The following USP7 variants were observed in gnomAD, a reference collection of about 807,000 sequenced individuals.
The protein encoded by USP7 is ubiquitin specific peptidase 7.
A neutral mutation model predicts 162.9 loss-of-function variants in USP7; 9 were observed. The ratio of observed to expected loss-of-function variants is 0.06; its 90% confidence interval spans 0.03 to 0.10. The LOEUF is 0.10. USP7 is among the 10% of genes least tolerant of loss of function. The probability of loss-of-function intolerance (pLI) is 1.00; values close to 1 mark genes in which losing one functional copy is unlikely to be tolerated. For synonymous variants in USP7, 562 were observed against 475.9 expected, an observed-to-expected ratio of 1.18 and a Z score of -2.35; for missense variants, 715 against 1,373.7, an observed-to-expected ratio of 0.52 and a Z score of 7.58.
chr16:8,897,962 G>A (rs1567206742), intron 25 of USP7, among the ~76,000 whole-genome samples: 1 of 151,538 alleles, frequency 6.6e-6, no homozygotes, highest in African/African-American at 2.4e-5. Context: ...GGTGACACTG[G>A]AGCTGTCTAC....
chr16:8,944,774 T>C (rs939994924), intron 1 of USP7, among the ~76,000 whole-genome samples: 2 of 152,188 alleles, frequency 1.3e-5, no homozygotes, highest in African/African-American at 4.8e-5. Context: ...TCAAGGGCTG[T>C]CAGATCTTTT....
At chr16:8,906,856 A>T (rs997736679) in intron 12 of USP7, among the ~76,000 whole-genome samples, 1 of 152,260 alleles carries the variant, frequency 6.6e-6, no homozygotes, top group Non-Finnish European at 1.5e-5. Flanking sequence ...ACTACTAAGG[A>T]TATCTGCAAA....
rs2061661616 is a variant in USP7 at position 8,895,164 on chromosome 16, C to T, written c.2920-14G>A. 6.2e-7 allele frequency: 1 copy of T among 1,614,166 alleles called. No homozygotes were observed. The highest frequency in any genetic ancestry group is 8.5e-7 in the Non-Finnish European group (1 of 1,180,020). On this transcript the variant is annotated splice_polypyrimidine_tract_variant and intron_variant, in intron 27 of 30. Transcript: ENST00000344836. ...CAAAGGGATTTCCTGGGGACACGGA[C>T]AACAGACACAGTTCTGTAAGTGCAA...
intron 23 of USP7, 99 bp from the exon 24 acceptor site, chr16:8,898,738 G>C (rs1011756131): frequency 5.0e-6 from 5 of 997,308 alleles, no homozygotes; most frequent in Non-Finnish European, 7.2e-6. Flanking sequence ...CCTTACACCT[G>C]GTCTTGAAAT....
intron 1 of USP7, among the ~76,000 whole-genome samples, chr16:8,931,306 A>C (rs1391852895): frequency 6.6e-6 from 1 of 151,572 alleles, no homozygotes; most frequent in Admixed American, 6.6e-5. Context: ...CTCCTGCCTC[A>C]GCCTCCTGAG....
chr16:8,917,812 C>T (rs562289964), intron 6 of USP7, among the ~76,000 whole-genome samples: 4 of 151,880 alleles, frequency 2.6e-5, no homozygotes, highest in East Asian at 1.9e-4. Flanking sequence ...GTTTTTGAGA[C>T]GGAGTCTTGC....
At chr16:8,926,402 C>G (rs1469800007) in intron 2 of USP7, among the ~76,000 whole-genome samples, 1 of 152,052 alleles carries the variant, frequency 6.6e-6, no homozygotes, top group African/African-American at 2.4e-5. Flanking sequence ...TCGCTTGAAC[C>G]TGGGAGGTGG....
At chr16:8,938,752 C>T (rs915533929) in intron 1 of USP7, among the ~76,000 whole-genome samples, 8 of 151,550 alleles carry the variant, frequency 5.3e-5, no homozygotes, top group Non-Finnish European at 1.0e-4. Context: ...CTGTACCAAA[C>T]ATGTACAGAT....
intron 6 of USP7, among the ~76,000 whole-genome samples, chr16:8,918,093 G>C (rs562395939): frequency 5.3e-4 from 80 of 152,236 alleles, no homozygotes; most frequent in Non-Finnish European, 6.6e-4. Context: ...CCCAGCCATG[G>C]AGCACCATTT....
Position 8,906,645 on chromosome 16 carries a change from A to T in USP7, c.1272-63T>A, listed in dbSNP as rs966404019. ...TTACACAAAAAATATCACACTTTAC[A>T]GTAAGTAAGGCCATTTAATGTACTG... On this transcript the variant is annotated intron_variant, in intron 12 of 30. Coordinates refer to ENST00000344836, the MANE Select transcript of USP7 (RefSeq NM_003470.3). 2.0e-6 allele frequency: 3 copies of T among 1,517,678 alleles called. No homozygotes were observed. The East Asian group carries it at 7.0e-5, about 36-fold the overall frequency. 94.0% of individuals were successfully genotyped at this position (1,517,678 alleles called of 1,614,324 possible).
intron 11 of USP7, 77 bp from the exon 12 acceptor site, chr16:8,908,527 G>C (rs1596364230): frequency 5.5e-6 from 7 of 1,276,282 alleles, no homozygotes; most frequent in East Asian, 2.3e-5. Flanking sequence ...CAGCGGTTCA[G>C]CAAGATTGGA....
At chr16:8,899,215 T>A (rs1015703655) in intron 22 of USP7, 27 bp from the exon 23 acceptor site, 1 of 1,611,636 alleles carries the variant, frequency 6.2e-7, no homozygotes, top group Non-Finnish European at 8.5e-7. Flanking sequence ...AAGGTTCACA[T>A]TTTGGGGAAA....
intron 1 of USP7, among the ~76,000 whole-genome samples, chr16:8,961,644 C>CA (rs919252515): frequency 5.9e-5 from 9 of 151,864 alleles, no homozygotes; most frequent in African/African-American, 2.2e-4. Flanking sequence ...AGCGGTAGGA[C>CA]AATGTCATGG....
chr16:8,958,612 G>A (rs1899895667), intron 1 of USP7, among the ~76,000 whole-genome samples: 1 of 152,188 alleles, frequency 6.6e-6, no homozygotes. Flanking sequence ...ATGTGGGATA[G>A]AGACAGCAGA....
At chr16:8,906,371 A>C in intron 13 of USP7, 55 bp downstream of exon 13, 1 of 1,582,044 alleles carries the variant, frequency 6.3e-7, no homozygotes, top group Non-Finnish European at 8.6e-7. Context: ...GCTGAAGCAG[A>C]GCTTGTGTTA....
intron 1 of USP7, among the ~76,000 whole-genome samples, chr16:8,957,145 CT>C (rs1899842824): frequency 6.6e-6 from 1 of 152,186 alleles, no homozygotes; most frequent in African/African-American, 2.4e-5. Context: ...AGAAGTAGAC[CT>C]GCTTCTCTTC....
intron 21 of USP7, 164 bp from the exon 22 acceptor site, chr16:8,899,921 G>A (rs2061747195): frequency 2.5e-6 from 2 of 801,116 alleles, no homozygotes; most frequent in Admixed American, 2.6e-5. Context: ...AGCTCCCTCT[G>A]TAAGCGAGGC....
At chr16:8,922,923 A>C (rs1326656600) in intron 3 of USP7, among the ~76,000 whole-genome samples, 1 of 152,228 alleles carries the variant, frequency 6.6e-6, no homozygotes, top group Non-Finnish European at 1.5e-5. Context: ...CTGCTCAGAC[A>C]GTTACTGACA....
intron 1 of USP7, among the ~76,000 whole-genome samples, chr16:8,955,527 G>A (rs1241864571): frequency 6.6e-6 from 1 of 152,030 alleles, no homozygotes; most frequent in African/African-American, 2.4e-5. Context: ...GGCCAACATG[G>A]GGAAACCGTC....
Sources: allele counts gnomAD v4.1 joint callset (sites outside exome capture counted in the v4.1 genomes callset), GRCh38; gene constraint gnomAD v4.1.1; transcripts MANE v1.5; gene names NCBI Gene and HGNC (gene_info 2026-07-23, HGNC 2026-07-21).